Variants in PUS7L observed in about 807,000 individuals in gnomAD.
PUS7L encodes pseudouridine synthase 7 like.
Under a neutral mutation model 51.1 loss-of-function variants are expected in PUS7L, and 49 were observed. The observed-to-expected ratio is 0.96, with a 90% confidence interval of 0.76 to 1.22. The LOEUF is 1.22. Ranked by LOEUF, PUS7L falls within the 50% of genes most tolerant of loss-of-function variation. The pLI, the probability that PUS7L is intolerant of heterozygous loss-of-function variation, is 0.00. For missense variants in PUS7L, 828 were observed against 820.6 expected (o/e 1.01, Z -0.11); for synonymous variants, 277 against 276.2 (o/e 1.00, Z -0.03).
chr12:43,741,844 G>A (rs12319024), intron 5 of PUS7L, among the ~76,000 whole-genome samples: 35,125 of 151,994 alleles, frequency 0.23, 6,457 homozygotes, highest in African/African-American at 0.51. Context: ...GTGAGTGAAC[G>A]AGATACTATC....
rs1443504220 is a variant in PUS7L, at chr12:43,724,316, A to T, written c.*6060T>A. 6.6e-6 allele frequency: 1 copy of T among 152,018 alleles called. No individual in the cohort carries two copies. Among genetic ancestry groups the T allele is most frequent in the Non-Finnish European group, 1.5e-5 (1 of 67,930 alleles). The allele number at this position is 152,018 out of a possible 1,614,324, so 9.4% of individuals were successfully genotyped here. ...ACTACAAAAAAAAAAACCTCTAAAAATATGAATTGTAATTACTTTATGCTA... is the reference window on the plus strand; with the variant it reads ...ACTACAAAAAAAAAAACCTCTAAAATTATGAATTGTAATTACTTTATGCTA... On this transcript the variant is annotated 3_prime_UTR_variant, in exon 9 of 9. Coordinates refer to ENST00000344862, the MANE Select transcript of PUS7L (RefSeq NM_031292.5).
chr12:43,757,801 G>C (rs1278417957), intron 1 of PUS7L, among the ~76,000 whole-genome samples: 9 of 152,326 alleles, frequency 5.9e-5, no homozygotes, highest in African/African-American at 1.9e-4. Flanking sequence ...ATGAGGCAGA[G>C]ACCTCACAAG....
Position 43,754,331 on chromosome 12 carries a change from A to T in PUS7L, c.910+5T>A. Reference sequence around the variant, plus strand: ...AAGAAAATGGATGATGATTTATTAAATTACCTGTATATATAACTTTTCCTT... The same window carrying T: ...AAGAAAATGGATGATGATTTATTAATTTACCTGTATATATAACTTTTCCTT... On this transcript the variant is annotated splice_donor_5th_base_variant and intron_variant, in intron 2 of 8. Transcript: ENST00000344862. 2 of 1,531,106 alleles carry T rather than the reference A, an allele frequency of 1.3e-6. No individual in the cohort carries two copies. Among genetic ancestry groups the T allele is most frequent in the Non-Finnish European group, 1.8e-6 (2 of 1,131,096 alleles). 94.8% of individuals were successfully genotyped at this position (1,531,106 alleles called of 1,614,324 possible). A position where few individuals can be genotyped will look rare whatever the true frequency, so the allele number is the denominator to read the frequency against.
At chr12:43,749,548 T>C (rs1938342915) in intron 2 of PUS7L, among the ~76,000 whole-genome samples, 1 of 152,098 alleles carries the variant, frequency 6.6e-6, no homozygotes, top group Non-Finnish European at 1.5e-5. Context: ...CAAACACCTA[T>C]GGTCACAGCT....
At chr12:43,737,830 T>C (rs1366052904) in intron 6 of PUS7L, among the ~76,000 whole-genome samples, 2 of 152,260 alleles carry the variant, frequency 1.3e-5, no homozygotes, top group South Asian at 4.1e-4. Flanking sequence ...TAACCACTTT[T>C]CCTTAGTGGT....
At position 43,725,118 on chromosome 12, in the gene PUS7L, GAAAGT is replaced by G. The variant is rs1434517350; in HGVS notation, c.*5253_*5257del. ...AAACAGAATGATTGATGTGAGGACT[GAAAGT>G]ATATTGAAAAAGAACAAGTTTCTCA... On this transcript the variant is annotated 3_prime_UTR_variant, in exon 9 of 9. Transcript: ENST00000344862. 1 of 152,160 alleles carries G rather than the reference GAAAGT, an allele frequency of 6.6e-6. No individual in the cohort carries two copies. Among genetic ancestry groups the G allele is most frequent in the Non-Finnish European group, 1.5e-5 (1 of 68,018 alleles). The allele number at this position is 152,160 out of a possible 1,614,324, so 9.4% of individuals were successfully genotyped here. A position where few individuals can be genotyped will look rare whatever the true frequency, so the allele number is the denominator to read the frequency against.
intron 4 of PUS7L, among the ~76,000 whole-genome samples, chr12:43,745,394 T>C (rs1442602549): frequency 6.6e-6 from 1 of 152,216 alleles, no homozygotes; most frequent in Middle Eastern, 3.2e-3. Context: ...GATTGAATCA[T>C]AGAGGTTGTT....
intron 8 of PUS7L, among the ~76,000 whole-genome samples, chr12:43,731,438 G>A (rs575537319): frequency 7.3e-4 from 111 of 152,240 alleles, no homozygotes; most frequent in South Asian, 4.8e-3. Context: ...GGTGAGGGAT[G>A]GGAATGGGCG....
intron 4 of PUS7L, among the ~76,000 whole-genome samples, chr12:43,743,080 A>T (rs534591808): frequency 9.9e-5 from 15 of 152,146 alleles, no homozygotes; most frequent in Admixed American, 3.9e-4. Context: ...CTTCAGCAGT[A>T]CTCTACCGGT....
In PUS7L at chr12:43,720,614, T is replaced by G. The variant is rs1280578340; in HGVS notation, c.*9762A>C. The G allele has an allele frequency of 6.6e-6, 1 of 152,250 alleles. No homozygotes were observed. Among genetic ancestry groups the G allele is most frequent in the Admixed American group, 6.5e-5 (1 of 15,288 alleles). 9.4% of individuals were successfully genotyped at this position (152,250 alleles called of 1,614,324 possible). A position where few individuals can be genotyped will look rare whatever the true frequency, so the allele number is the denominator to read the frequency against. On this transcript the variant is annotated 3_prime_UTR_variant, in exon 9 of 9. Coordinates refer to ENST00000344862, the MANE Select transcript of PUS7L (RefSeq NM_031292.5). ...CATATGGTTTCAGTCATTTGAAATT[T>G]TATTGCATATGCTTATAGTCCAGTG...
chr12:43,733,294 ATAT>A (rs548349566), intron 7 of PUS7L, among the ~76,000 whole-genome samples: 45 of 152,198 alleles, frequency 3.0e-4, no homozygotes, highest in Non-Finnish European at 5.0e-4. Context: ...TTGTAGATGC[ATAT>A]TACATGCCCC....
chr12:43,754,521 C>A lies in PUS7L; in HGVS notation c.725G>T (p.Arg242Ile), dbSNP rs1215663122. Residue 242 changes from arginine (R) to isoleucine (I), a missense_variant, in exon 2 of 9, where the codon AGA (arginine) becomes ATA (isoleucine). By Grantham distance (97) the Arg-to-Ile change is moderately conservative. Transcript: ENST00000344862. ...TFKPDTNKDHRKAVHHFVNKK... is the reference protein window; with the variant it reads ...TFKPDTNKDHIKAVHHFVNKK... The stretch of plus-strand genomic sequence containing the variant: ...GTTGACAAAATGGTGGACAGCTTTT[C>A]TGTGGTCTTTGTTTGTATCAGGTTT... 1.2e-6 allele frequency: 2 copies of A among 1,613,208 alleles called. No homozygotes were observed. Among genetic ancestry groups the A allele is most frequent in the African/African-American group, 2.7e-5 (2 of 74,828 alleles).
intron 2 of PUS7L, among the ~76,000 whole-genome samples, chr12:43,754,013 T>G (rs1268615747): frequency 6.6e-6 from 1 of 152,166 alleles, no homozygotes; most frequent in African/African-American, 2.4e-5. Flanking sequence ...GAAATCAAGA[T>G]TTACCTTCAA....
intron 7 of PUS7L, among the ~76,000 whole-genome samples, chr12:43,733,347 A>G (rs542102192): frequency 9.9e-5 from 15 of 152,248 alleles, no homozygotes; most frequent in Admixed American, 2.6e-4. Context: ...TTTCCTTTTC[A>G]TATTTTATAT....
At chr12:43,736,835 A>C (rs1944705705) in intron 6 of PUS7L, among the ~76,000 whole-genome samples, 174 bp from the exon 7 acceptor site, 1 of 152,026 alleles carries the variant, frequency 6.6e-6, no homozygotes. Context: ...AATAAGCATA[A>C]TATGGCCCTA....
In PUS7L at chr12:43,720,751, C is replaced by A. The variant is rs1944388534; in HGVS notation, c.*9625G>T. 1.3e-5 allele frequency: 2 copies of A among 152,176 alleles called. No individual in the cohort carries two copies. Among genetic ancestry groups the A allele is most frequent in the Middle Eastern group, 3.4e-3 (1 of 294 alleles). 9.4% of individuals were successfully genotyped at this position (152,176 alleles called of 1,614,324 possible). A position where few individuals can be genotyped will look rare whatever the true frequency, so the allele number is the denominator to read the frequency against. On this transcript the variant is annotated 3_prime_UTR_variant, in exon 9 of 9. Transcript: ENST00000344862. ...TGTTAAAGCTGCCTTTAAGGTTTTTCTTTTTATTATTGATGTTTTGCATAT... is the reference window on the plus strand; with the variant it reads ...TGTTAAAGCTGCCTTTAAGGTTTTTATTTTTATTATTGATGTTTTGCATAT...
intron 2 of PUS7L, among the ~76,000 whole-genome samples, chr12:43,750,794 T>C (rs1483481403): frequency 2.6e-5 from 4 of 152,174 alleles, no homozygotes; most frequent in South Asian, 2.1e-4. Context: ...TTCTGGAACA[T>C]AGCACAGACA....
intron 3 of PUS7L, among the ~76,000 whole-genome samples, chr12:43,748,091 T>C (rs1418170067): frequency 6.6e-6 from 1 of 152,222 alleles, no homozygotes; most frequent in Non-Finnish European, 1.5e-5. Context: ...GCCCAGCCTA[T>C]TGCAGTTATT....
chr12:43,756,436 TCTA>T (rs1182248150), intron 1 of PUS7L, among the ~76,000 whole-genome samples: 1 of 152,222 alleles, frequency 6.6e-6, no homozygotes, highest in African/African-American at 2.4e-5. Context: ...CATTTCTTCC[TCTA>T]CTACCTCCAA....
Sources: gnomAD v4.1 joint callset for allele counts (sites outside exome capture counted in the v4.1 genomes callset) on GRCh38, gnomAD v4.1.1 for gene constraint, MANE v1.5 for transcripts, NCBI Gene and HGNC (gene_info 2026-07-23, HGNC 2026-07-21) for gene names.